Variants in POU6F2 observed in about 807,000 individuals in gnomAD.
POU6F2 encodes POU class 6 homeobox 2, also known as POU domain, class 6, transcription factor 2.
In POU6F2, 31 loss-of-function variants were observed where a neutral mutation model predicts 71.3. That is an observed-to-expected ratio of 0.43 (90% confidence interval 0.33 to 0.59). POU6F2 has a LOEUF of 0.59. POU6F2 is among the 20% of genes least tolerant of loss of function. The pLI is 0.04. For synonymous variants in POU6F2, 347 were observed against 355.7 expected, an observed-to-expected ratio of 0.98 and a Z score of 0.27; for missense variants, 783 against 856.8, an observed-to-expected ratio of 0.91 and a Z score of 1.07.
chr7:39,426,857 C>T (rs1416227542), intron 6 of POU6F2, among the ~76,000 whole-genome samples: 1 of 152,190 alleles, frequency 6.6e-6, no homozygotes, highest in Non-Finnish European at 1.5e-5. Flanking sequence ...AGCTGGTTTT[C>T]AGTAACCTCC....
At chr7:39,348,541 A>T (rs1300357505) in intron 5 of POU6F2, among the ~76,000 whole-genome samples, 3 of 152,220 alleles carry the variant, frequency 2.0e-5, no homozygotes, top group Non-Finnish European at 2.9e-5. Context: ...AGAAAGTTCA[A>T]GCAAATTTCT....
At chr7:39,427,678 G>T (rs749638018) in intron 6 of POU6F2, among the ~76,000 whole-genome samples, 3 of 152,196 alleles carry the variant, frequency 2.0e-5, no homozygotes, top group Non-Finnish European at 4.4e-5. Context: ...ATTTGGGAAA[G>T]AATTGTCTCT....
intron 5 of POU6F2, among the ~76,000 whole-genome samples, chr7:39,356,244 C>A (rs1468533787): frequency 1.3e-5 from 2 of 152,204 alleles, no homozygotes; most frequent in African/African-American, 4.8e-5. Context: ...TGGCCCTACT[C>A]ATCACCCCAT....
intron 4 of POU6F2, among the ~76,000 whole-genome samples, chr7:39,327,231 A>T (rs1166017490): frequency 6.6e-6 from 1 of 151,490 alleles, no homozygotes. Flanking sequence ...GGGAGCTGAG[A>T]TCACGCCACT....
At chr7:39,405,906 T>C (rs921391987) in intron 5 of POU6F2, 1 of 152,242 alleles carries the variant, frequency 6.6e-6, no homozygotes, top group African/African-American at 2.4e-5. Context: ...ATGTATCAGC[T>C]ACAACAGCAA....
At chr7:39,062,653 C>G (rs1164189904) in intron 1 of POU6F2, among the ~76,000 whole-genome samples, 1 of 146,084 alleles carries the variant, frequency 6.8e-6, no homozygotes, top group Non-Finnish European at 1.5e-5. Flanking sequence ...CAGTTTTAGT[C>G]CAGCAAAGCC....
chr7:38,993,812 C>T (rs1397645282), intron 1 of POU6F2, among the ~76,000 whole-genome samples: 2 of 152,096 alleles, frequency 1.3e-5, no homozygotes, highest in South Asian at 2.1e-4. Flanking sequence ...GTGCGTATTT[C>T]GGAGCACTGG....
At chr7:39,248,886 G>A (rs1361521876) in intron 4 of POU6F2, among the ~76,000 whole-genome samples, 2 of 152,126 alleles carry the variant, frequency 1.3e-5, no homozygotes, top group African/African-American at 2.4e-5. Context: ...TTCAGAGTCA[G>A]AAACAATAGC....
At chr7:39,244,567 C>G (rs1279876970) in intron 4 of POU6F2, among the ~76,000 whole-genome samples, 1 of 152,150 alleles carries the variant, frequency 6.6e-6, no homozygotes, top group Non-Finnish European at 1.5e-5. Flanking sequence ...CTCCTTTTCC[C>G]TAAAATTACA....
In POU6F2 at chr7:39,154,159, T is replaced by A. The variant is rs970972608; in HGVS notation, c.278-50076T>A. 3.9e-5 allele frequency among the ~76,000 whole-genome samples: 6 copies of A among 152,334 alleles called. 1 individual carries two copies. Among genetic ancestry groups the A allele is most frequent in the Middle Eastern group, 3.4e-3 (1 of 294 alleles). ...ATTAATCTGGTTAAGTCATTTAAAATCAAGTTAAAGGGATGTGTTTCCTAC... is the reference window on the plus strand; with the variant it reads ...ATTAATCTGGTTAAGTCATTTAAAAACAAGTTAAAGGGATGTGTTTCCTAC... On this transcript the variant is annotated intron_variant, in intron 2 of 9. Coordinates refer to ENST00000518318, the MANE Select transcript of POU6F2 (RefSeq NM_001370959.1).
At chr7:39,454,623 C>T (rs1788739923) in intron 8 of POU6F2, among the ~76,000 whole-genome samples, 1 of 117,666 alleles carries the variant, frequency 8.5e-6, no homozygotes, top group African/African-American at 3.0e-5. Context: ...GTCTTATGAG[C>T]TCTGTGCCAG....
chr7:39,178,176 C>T (rs1793367845), intron 2 of POU6F2, among the ~76,000 whole-genome samples: 1 of 152,096 alleles, frequency 6.6e-6, no homozygotes, highest in African/African-American at 2.4e-5. Context: ...ATTGCTTGAA[C>T]TCAGGTGGCA....
At chr7:39,392,251 T>C (rs2115837698) in intron 5 of POU6F2, among the ~76,000 whole-genome samples, 1 of 152,354 alleles carries the variant, frequency 6.6e-6, no homozygotes, top group African/African-American at 2.4e-5. Context: ...TCTCAGACTT[T>C]AGCATGAATT....
intron 5 of POU6F2, among the ~76,000 whole-genome samples, chr7:39,375,008 GAATTGT>G (rs1786683897): frequency 1.3e-5 from 2 of 152,144 alleles, no homozygotes; most frequent in African/African-American, 4.8e-5. Context: ...ACAGTTTGGG[GAATTGT>G]AAAGCAGAAA....
chr7:39,306,017 T>A (rs77665139), intron 4 of POU6F2, among the ~76,000 whole-genome samples: 1 of 143,426 alleles, frequency 7.0e-6, no homozygotes, highest in African/African-American at 2.6e-5. Context: ...AAAAAAAAAA[T>A]CTATAGTTAC....
chr7:39,184,813 C>T (rs995545709), intron 2 of POU6F2, among the ~76,000 whole-genome samples: 2 of 152,160 alleles, frequency 1.3e-5, no homozygotes, highest in African/African-American at 4.8e-5. Flanking sequence ...TGTCTGCCAC[C>T]TCCACCCTCA....
At chr7:39,362,493 C>G (rs1264112979) in intron 5 of POU6F2, among the ~76,000 whole-genome samples, 1 of 152,082 alleles carries the variant, frequency 6.6e-6, no homozygotes, top group East Asian at 1.9e-4. Flanking sequence ...AGACCTCATC[C>G]TCTAGGGAAC....
At chr7:39,024,901 T>G (rs962639183) in intron 1 of POU6F2, among the ~76,000 whole-genome samples, 57 of 152,140 alleles carry the variant, frequency 3.7e-4, no homozygotes, top group Middle Eastern at 3.4e-3. Flanking sequence ...GCTGGATTCG[T>G]TTTGCCAGTA....
Position 39,460,783 on chromosome 7 carries a change from C to G in POU6F2, c.1658+68C>G. 1 of 1,439,768 alleles carries G rather than the reference C, an allele frequency of 6.9e-7. No homozygotes were observed. Among genetic ancestry groups the G allele is most frequent in the Non-Finnish European group, 9.2e-7 (1 of 1,092,072 alleles). 89.2% of individuals were successfully genotyped at this position (1,439,768 alleles called of 1,614,324 possible). On this transcript the variant is annotated intron_variant, in intron 9 of 9. Coordinates refer to ENST00000518318, the MANE Select transcript of POU6F2 (RefSeq NM_001370959.1). The surrounding 1 kb of genome is among the most constrained non-coding windows in gnomAD (Gnocchi z 4.4). ...GGCCTCATTTGTCCTCGCGGTTCAG[C>G]TTTTCTTCGTCGGGTGGGCAAAGCT...
Sources: gnomAD v4.1 joint callset for allele counts (sites outside exome capture counted in the v4.1 genomes callset) on GRCh38, gnomAD v4.1.1 for gene constraint, Gnocchi (gnomAD v3.1) non-coding constraint, MANE v1.5 for transcripts, NCBI Gene and HGNC (gene_info 2026-07-23, HGNC 2026-07-21) for gene names.